The following BMPR1A variants were observed in gnomAD, a reference collection of about 807,000 sequenced individuals.
BMPR1A encodes the protein bone morphogenetic protein receptor type-1A.
BMPR1A carries 7 observed loss-of-function variants against 66.0 expected under a neutral mutation model. The ratio of observed to expected loss-of-function variants is 0.11; its 90% CI spans 0.06 to 0.20. The LOEUF is 0.20. BMPR1A is among the 10% of genes least tolerant of loss of function. The probability of loss-of-function intolerance (pLI) is 1.00; values close to 1 mark genes in which losing one functional copy is unlikely to be tolerated. For synonymous variants in BMPR1A, 200 were observed against 229.7 expected (o/e 0.87, Z 1.17); for missense variants, 408 against 669.1 (o/e 0.61, Z 4.31).
chr10:86,875,372 C>CAAATA (rs4029464), intron 2 of BMPR1A, among the ~76,000 whole-genome samples: 18,942 of 151,588 alleles, frequency 0.12, 1,509 homozygotes, highest in African/African-American at 0.21. Flanking sequence ...AACTCTGTCT[C>CAAATA]AAATAAAATA....
At chr10:86,819,151 C>G (rs1842082476) in intron 1 of BMPR1A, among the ~76,000 whole-genome samples, 1 of 127,476 alleles carries the variant, frequency 7.8e-6, no homozygotes, top group Non-Finnish European at 1.7e-5. Flanking sequence ...GAAATGGCTA[C>G]TTATTTATTA....
At chr10:86,886,149 G>GT in intron 3 of BMPR1A, among the ~76,000 whole-genome samples, 1 of 152,274 alleles carries the variant, frequency 6.6e-6, no homozygotes, top group South Asian at 2.1e-4. Context: ...GGACTTGTGG[G>GT]TGGCGAGAGA....
At chr10:86,814,489 C>T (rs1842008402) in intron 1 of BMPR1A, among the ~76,000 whole-genome samples, 1 of 152,072 alleles carries the variant, frequency 6.6e-6, no homozygotes, top group Non-Finnish European at 1.5e-5. Flanking sequence ...TTCTCGAAGG[C>T]ATTATCTGTA....
At chr10:86,858,710 A>T (rs901044988) in intron 2 of BMPR1A, among the ~76,000 whole-genome samples, 1 of 152,200 alleles carries the variant, frequency 6.6e-6, no homozygotes, top group African/African-American at 2.4e-5. Context: ...AATGAAATAC[A>T]TTTGACCAAG....
At chr10:86,810,073 C>A (rs529096993) in intron 1 of BMPR1A, among the ~76,000 whole-genome samples, 1 of 151,890 alleles carries the variant, frequency 6.6e-6, no homozygotes, top group Non-Finnish European at 1.5e-5. Flanking sequence ...CGGGTTCAAG[C>A]GATTCTTGTG....
intron 1 of BMPR1A, among the ~76,000 whole-genome samples, chr10:86,779,949 A>G (rs1841410336): frequency 6.6e-6 from 1 of 152,144 alleles, no homozygotes; most frequent in Non-Finnish European, 1.5e-5. Context: ...CTTGTCACCC[A>G]GGCCAGAATG....
intron 5 of BMPR1A, among the ~76,000 whole-genome samples, chr10:86,895,309 G>A (rs1399988731): frequency 1.3e-5 from 2 of 151,996 alleles, no homozygotes; most frequent in Admixed American, 6.6e-5. Context: ...AGGCCGAGGC[G>A]AGCAGATCAT....
intron 5 of BMPR1A, among the ~76,000 whole-genome samples, chr10:86,893,927 A>G (rs1448175027): frequency 6.6e-6 from 1 of 152,224 alleles, no homozygotes; most frequent in African/African-American, 2.4e-5. Flanking sequence ...TGGACCATAG[A>G]GAACAAACCT....
At chr10:86,868,544 C>CT (rs1280291106) in intron 2 of BMPR1A, among the ~76,000 whole-genome samples, 2 of 152,212 alleles carry the variant, frequency 1.3e-5, no homozygotes, top group African/African-American at 4.8e-5. Context: ...GAGTCTATTC[C>CT]TTCTCAGAAA....
intron 1 of BMPR1A, 153 bp from the exon 2 acceptor site, chr10:86,838,712 G>T (rs1295861780): frequency 6.6e-6 from 1 of 152,040 alleles, no homozygotes; most frequent in African/African-American, 2.4e-5. Context: ...AAATGGTAAA[G>T]TGATAGATTT....
chr10:86,860,855 T>C (rs1339930333), intron 2 of BMPR1A, among the ~76,000 whole-genome samples: 1 of 150,688 alleles, frequency 6.6e-6, no homozygotes, highest in Non-Finnish European at 1.5e-5. Flanking sequence ...TTTTTTTTTT[T>C]TTTTGAGGCG....
intron 1 of BMPR1A, among the ~76,000 whole-genome samples, chr10:86,791,464 G>A (rs1841617935): frequency 6.6e-6 from 1 of 151,478 alleles, no homozygotes; most frequent in African/African-American, 2.4e-5. Flanking sequence ...TCCCCGCCTC[G>A]GCCTCCCAAA....
chr10:86,843,168 A>G (rs906279138), intron 2 of BMPR1A, among the ~76,000 whole-genome samples: 4 of 152,130 alleles, frequency 2.6e-5, no homozygotes, highest in East Asian at 1.9e-4. Flanking sequence ...ATTTTCTTCT[A>G]TTCCCCTATG....
At chr10:86,783,469 G>A (rs191400194) in intron 1 of BMPR1A, among the ~76,000 whole-genome samples, 39 of 152,336 alleles carry the variant, frequency 2.6e-4, no homozygotes, top group Non-Finnish European at 4.4e-5. Context: ...AGGTCTTCCA[G>A]TCCTTGAACA....
At chr10:86,882,566 G>A (rs1447046295) in intron 3 of BMPR1A, among the ~76,000 whole-genome samples, 1 of 151,822 alleles carries the variant, frequency 6.6e-6, no homozygotes, top group African/African-American at 2.4e-5. Flanking sequence ...TGGGCCCAAA[G>A]AGGACTTTTT....
At chr10:86,777,842 C>G (rs769985051) in intron 1 of BMPR1A, among the ~76,000 whole-genome samples, 2 of 151,680 alleles carry the variant, frequency 1.3e-5, no homozygotes, top group Admixed American at 6.6e-5. Flanking sequence ...GGAGAAACCC[C>G]GTCTCTACTA....
At chr10:86,896,965 C>A (rs537176655) in intron 5 of BMPR1A, among the ~76,000 whole-genome samples, 2 of 152,330 alleles carry the variant, frequency 1.3e-5, no homozygotes, top group South Asian at 4.1e-4. Flanking sequence ...ACCCTTTCCC[C>A]AGTGTCTTCA....
chr10:86,916,248 A>C (rs1214814283), intron 8 of BMPR1A, among the ~76,000 whole-genome samples: 2 of 152,218 alleles, frequency 1.3e-5, no homozygotes, highest in African/African-American at 4.8e-5. Context: ...TGGGATTTTT[A>C]AGATCTTTAA....
At chr10:86,758,367 A>ATT (rs200528013) in intron 1 of BMPR1A, among the ~76,000 whole-genome samples, 6,631 of 140,978 alleles carry the variant, frequency 0.047, 234 homozygotes, top group Non-Finnish European at 0.063. Context: ...AAGAGGGAGA[A>ATT]TTTTTTTTTT....
Sources: allele counts gnomAD v4.1 joint callset (sites outside exome capture counted in the v4.1 genomes callset), GRCh38; gene constraint gnomAD v4.1.1; transcripts MANE v1.5; gene names NCBI Gene and HGNC (gene_info 2026-07-23, HGNC 2026-07-21).